ENTREP2: variants seen among roughly 807,000 people sequenced by gnomAD.
ENTREP2 encodes the protein endosomal transmembrane epsin interactor 2, also known as protein ENTREP2.
the ENTREP2 span, among the ~76,000 whole-genome samples, chr15:29,308,039 CTA>C: frequency 1.3e-5 from 2 of 152,114 alleles, no homozygotes; most frequent in Non-Finnish European, 2.9e-5. Context: ...TTATATATTT[CTA>C]TGATTTTTCT....
chr15:29,449,350 G>T, the ENTREP2 span, among the ~76,000 whole-genome samples: 1 of 152,210 alleles, frequency 6.6e-6, no homozygotes, highest in Non-Finnish European at 1.5e-5. Flanking sequence ...TGGCCATGGT[G>T]CTGACAGGGG....
At chr15:29,618,620 T>A in the ENTREP2 span, among the ~76,000 whole-genome samples, 1 of 152,124 alleles carries the variant, frequency 6.6e-6, no homozygotes, top group Non-Finnish European at 1.5e-5. Flanking sequence ...ATTACAGACA[T>A]GTCCTAGGTA....
chr15:29,328,688 T>C, the ENTREP2 span, among the ~76,000 whole-genome samples: 2 of 152,122 alleles, frequency 1.3e-5, no homozygotes, highest in Non-Finnish European at 2.9e-5. Context: ...AACTGACCAT[T>C]AAGTAAATGG....
At chr15:29,410,984 C>T in the ENTREP2 span, among the ~76,000 whole-genome samples, 1 of 152,130 alleles carries the variant, frequency 6.6e-6, no homozygotes, top group Non-Finnish European at 1.5e-5. Context: ...CGTGGTTTCA[C>T]CATGTTGGTC....
chr15:29,254,306 G>C, the ENTREP2 span, among the ~76,000 whole-genome samples: 1 of 151,670 alleles, frequency 6.6e-6, no homozygotes, highest in African/African-American at 2.4e-5. Flanking sequence ...TCAACTGATA[G>C]TTGTATAAAA....
chr15:29,338,338 A>C, the ENTREP2 span, among the ~76,000 whole-genome samples: 1 of 151,310 alleles, frequency 6.6e-6, no homozygotes, highest in African/African-American at 2.4e-5. Flanking sequence ...AGGCAGGAGA[A>C]TCACTTGAAC....
chr15:29,310,797 T>C, the ENTREP2 span, among the ~76,000 whole-genome samples: 1 of 152,064 alleles, frequency 6.6e-6, no homozygotes, highest in African/African-American at 2.4e-5. Flanking sequence ...TGGAACCTAA[T>C]ACACACATAA....
At chr15:29,357,796 G>A in the ENTREP2 span, among the ~76,000 whole-genome samples, 9 of 151,410 alleles carry the variant, frequency 5.9e-5, no homozygotes, top group African/African-American at 2.2e-4. Context: ...CCGAGATCGT[G>A]CCACTGCACT....
chr15:29,172,912 G>A, the ENTREP2 span, among the ~76,000 whole-genome samples: 8,857 of 152,122 alleles, frequency 0.058, 887 homozygotes, highest in African/African-American at 0.2. Context: ...GCCTAAGTCG[G>A]CTCCTGTCCC....
chr15:29,136,157 GGGCT>G, the ENTREP2 span, among the ~76,000 whole-genome samples: 3 of 152,354 alleles, frequency 2.0e-5, no homozygotes, highest in South Asian at 6.2e-4. Flanking sequence ...CTACAGCACA[GGGCT>G]GATAAGACCA....
chr15:29,308,743 A>C, the ENTREP2 span, among the ~76,000 whole-genome samples: 86 of 152,310 alleles, frequency 5.6e-4, no homozygotes, highest in African/African-American at 2.1e-3. Context: ...CAACATATGG[A>C]GCTCTGGCAT....
the ENTREP2 span, among the ~76,000 whole-genome samples, chr15:29,352,934 G>A: frequency 5.9e-5 from 9 of 152,038 alleles, no homozygotes; most frequent in Non-Finnish European, 1.2e-4. Flanking sequence ...CATACATAAT[G>A]TGAGTTCTAT....
At chr15:29,438,127 A>G in the ENTREP2 span, among the ~76,000 whole-genome samples, 7 of 152,200 alleles carry the variant, frequency 4.6e-5, no homozygotes, top group African/African-American at 7.2e-5. Context: ...AGACCTACAC[A>G]TCACAAGCTG....
chr15:29,164,090 C>G, the ENTREP2 span, among the ~76,000 whole-genome samples: 1 of 152,150 alleles, frequency 6.6e-6, no homozygotes, highest in Non-Finnish European at 1.5e-5. Context: ...AAAGAAGATA[C>G]AGTCTTTTTC....
At chr15:29,444,421 C>T in the ENTREP2 span, among the ~76,000 whole-genome samples, 1 of 151,828 alleles carries the variant, frequency 6.6e-6, no homozygotes, top group Non-Finnish European at 1.5e-5. Context: ...CTTAACTTTC[C>T]CTTTGGCATA....
chr15:29,480,840 G>A, the ENTREP2 span, among the ~76,000 whole-genome samples: 1 of 152,176 alleles, frequency 6.6e-6, no homozygotes, highest in Non-Finnish European at 1.5e-5. Context: ...GTGAGAGTCT[G>A]GGAGGTAACA....
At chr15:29,621,946 G>A in the ENTREP2 span, among the ~76,000 whole-genome samples, 37 of 152,166 alleles carry the variant, frequency 2.4e-4, no homozygotes, top group Non-Finnish European at 5.4e-4. Flanking sequence ...TTTCTACTAA[G>A]TGAAATGAGC....
the ENTREP2 span, among the ~76,000 whole-genome samples, chr15:29,495,418 T>TTAC: frequency 6.6e-6 from 1 of 152,204 alleles, no homozygotes; most frequent in Non-Finnish European, 1.5e-5. Context: ...TTATTTGTTT[T>TTAC]TACTTTTGTT....
At chr15:29,184,040 G>A in the ENTREP2 span, among the ~76,000 whole-genome samples, 1 of 152,026 alleles carries the variant, frequency 6.6e-6, no homozygotes, top group Admixed American at 6.5e-5. Flanking sequence ...GAGTGCAGTG[G>A]CATCATCTTG....
Sources: allele counts gnomAD v4.1 joint callset (sites outside exome capture counted in the v4.1 genomes callset), GRCh38; gene constraint gnomAD v4.1.1; transcripts MANE v1.5; gene names NCBI Gene and HGNC (gene_info 2026-07-23, HGNC 2026-07-21).